The following MRPS27 variants were observed in gnomAD, a reference collection of about 807,000 sequenced individuals.
MRPS27 encodes small ribosomal subunit protein mS27.
In MRPS27, 43 loss-of-function variants were observed where a neutral mutation model predicts 48.9. That is an observed-to-expected ratio of 0.88 (90% CI 0.69 to 1.13). The LOEUF (loss-of-function observed/expected upper bound fraction) is 1.13, where lower values mean the gene tolerates loss of function less well. MRPS27 is among the 50% of genes most tolerant of loss of function. The probability of loss-of-function intolerance (pLI) is 0.00; values close to 1 mark genes in which losing one functional copy is unlikely to be tolerated. For missense variants in MRPS27, 467 were observed against 476.3 expected (o/e 0.98, Z 0.18); for synonymous variants, 188 against 171.9 (o/e 1.09, Z -0.73).
chr5:72,238,248 A>G, intron 4 of MRPS27, 120 bp from the exon 5 acceptor site: 1 of 640,012 alleles, frequency 1.6e-6, no homozygotes, highest in Non-Finnish European at 2.7e-6. Flanking sequence ...AATTCATAAA[A>G]GTCAACAGTT....
At chr5:72,273,813 G>T (rs2112021694) in intron 4 of MRPS27, among the ~76,000 whole-genome samples, 1 of 152,182 alleles carries the variant, frequency 6.6e-6, no homozygotes, top group South Asian at 2.1e-4. Flanking sequence ...TAAACACAAC[G>T]TTTAGGCTAC....
intron 4 of MRPS27, among the ~76,000 whole-genome samples, chr5:72,283,421 GC>G (rs1443437175): frequency 6.6e-6 from 1 of 152,130 alleles, no homozygotes; most frequent in Non-Finnish European, 1.5e-5. Context: ...GATACACTGG[GC>G]TAGCTGATGA....
intron 4 of MRPS27, among the ~76,000 whole-genome samples, chr5:72,244,345 G>A (rs1278192879): frequency 3.9e-5 from 6 of 152,142 alleles, no homozygotes; most frequent in African/African-American, 1.2e-4. Flanking sequence ...ATCAAAGTCT[G>A]AATTTGTCAG....
At chr5:72,293,209 C>T (rs1749877647) in intron 4 of MRPS27, among the ~76,000 whole-genome samples, 1 of 151,964 alleles carries the variant, frequency 6.6e-6, no homozygotes, top group African/African-American at 2.4e-5. Context: ...CCCAGCCAAT[C>T]TCCACTGTTC....
chr5:72,295,036 T>C (rs552475473), intron 4 of MRPS27, among the ~76,000 whole-genome samples: 148 of 149,582 alleles, frequency 9.9e-4, no homozygotes, highest in African/African-American at 3.6e-3. Context: ...ATACTCAACT[T>C]GTGTGTGTGT....
chr5:72,302,118 TAGAC>T (rs1340463099), intron 2 of MRPS27, among the ~76,000 whole-genome samples: 2 of 152,248 alleles, frequency 1.3e-5, no homozygotes, highest in African/African-American at 4.8e-5. Context: ...AACTTGAAGC[TAGAC>T]AGACAATGTG....
chr5:72,274,392 C>T (rs1749322625), intron 4 of MRPS27, among the ~76,000 whole-genome samples: 1 of 152,094 alleles, frequency 6.6e-6, no homozygotes, highest in African/African-American at 2.4e-5. Flanking sequence ...AATACACAAA[C>T]ACAGACCTTA....
intron 4 of MRPS27, among the ~76,000 whole-genome samples, chr5:72,290,840 C>T (rs1299153344): frequency 6.6e-6 from 1 of 152,202 alleles, no homozygotes; most frequent in Non-Finnish European, 1.5e-5. Flanking sequence ...TTTATGCCCA[C>T]TGAACAGACA....
chr5:72,285,948 G>A (rs143773743), intron 4 of MRPS27, among the ~76,000 whole-genome samples: 2 of 152,252 alleles, frequency 1.3e-5, no homozygotes, highest in Admixed American at 6.5e-5. Flanking sequence ...AAACAGAGCT[G>A]AAAATCATTT....
intron 4 of MRPS27, among the ~76,000 whole-genome samples, chr5:72,240,064 T>A (rs1463544173): frequency 6.6e-6 from 1 of 152,198 alleles, no homozygotes; most frequent in Non-Finnish European, 1.5e-5. Context: ...AGTTCCTGTG[T>A]CAGCAGAGAC....
intron 2 of MRPS27, among the ~76,000 whole-genome samples, chr5:72,298,709 T>A (rs1159514944): frequency 1.9e-5 from 2 of 102,740 alleles, no homozygotes; most frequent in African/African-American, 4.0e-5. Context: ...CGAGACTCCG[T>A]CTCAAAAAAA....
intron 5 of MRPS27, among the ~76,000 whole-genome samples, chr5:72,236,678 C>A (rs1176272470): frequency 1.3e-5 from 2 of 152,072 alleles, no homozygotes; most frequent in Non-Finnish European, 2.9e-5. Context: ...TTACCTGGTT[C>A]CTCCCTTAAC....
At chr5:72,312,401 A>G (rs1457173561) in intron 2 of MRPS27, among the ~76,000 whole-genome samples, 1 of 152,130 alleles carries the variant, frequency 6.6e-6, no homozygotes, top group Non-Finnish European at 1.5e-5. Flanking sequence ...TCATTATGAT[A>G]GCGCCACTCC....
At chr5:72,226,314 G>T in intron 8 of MRPS27, 115 bp from the exon 9 acceptor site, 2 of 1,257,200 alleles carry the variant, frequency 1.6e-6, no homozygotes, top group Non-Finnish European at 2.3e-6. Flanking sequence ...AATAGAGAAG[G>T]ATCATTTTAA....
chr5:72,226,205 G>A lies in MRPS27; in HGVS notation c.695-6C>T. On this transcript the variant is annotated splice_polypyrimidine_tract_variant and splice_region_variant and intron_variant, in intron 8 of 10. Coordinates refer to ENST00000261413, the MANE Select transcript of MRPS27 (RefSeq NM_015084.3). ...TTGCTGCAACTCCACCTTCCCTGTG[G>A]CCAAAAAGAACAATAAAGAATGCTC... The A allele has an allele frequency of 6.2e-7, 1 of 1,613,248 alleles. No individual in the cohort carries two copies. The highest frequency in any genetic ancestry group is 8.5e-7 in the Non-Finnish European group (1 of 1,179,478).
intron 4 of MRPS27, among the ~76,000 whole-genome samples, chr5:72,278,877 A>G (rs1033329253): frequency 2.0e-5 from 3 of 152,040 alleles, no homozygotes; most frequent in African/African-American, 4.8e-5. Context: ...AGTCTATCAC[A>G]TTTTTCTTCT....
intron 4 of MRPS27, among the ~76,000 whole-genome samples, chr5:72,241,253 A>C (rs1321389051): frequency 6.6e-6 from 1 of 152,176 alleles, no homozygotes; most frequent in South Asian, 2.1e-4. Flanking sequence ...TCGGCTTCCT[A>C]AAGAGCTGGG....
rs552642131 is a variant in MRPS27 at position 72,238,188 on chromosome 5, T to C, written c.282-60A>G. 5 of 1,111,218 alleles carry C rather than the reference T, an allele frequency of 4.5e-6. No individual in the cohort carries two copies. The African/African-American group carries it at 4.6e-5, about 10-fold the overall frequency. 68.8% of individuals were successfully genotyped at this position (1,111,218 alleles called of 1,614,324 possible). The stretch of plus-strand genomic sequence containing the variant: ...AACTCTTATATGTTAAAACACATCT[T>C]CCATCGATAGGTCCTTCTCTTAGAT... On this transcript the variant is annotated intron_variant, in intron 4 of 10. Transcript: ENST00000261413.
At chr5:72,247,589 A>G (rs1182980644) in intron 4 of MRPS27, among the ~76,000 whole-genome samples, 1 of 152,238 alleles carries the variant, frequency 6.6e-6, no homozygotes, top group Non-Finnish European at 1.5e-5. Flanking sequence ...AAAATCAGCT[A>G]AAGTTAAATT....
Sources: gnomAD v4.1 joint callset for allele counts (sites outside exome capture counted in the v4.1 genomes callset) on GRCh38, gnomAD v4.1.1 for gene constraint, MANE v1.5 for transcripts, NCBI Gene and HGNC (gene_info 2026-07-23, HGNC 2026-07-21) for gene names.